POLR3F: variants seen among roughly 807,000 people sequenced by gnomAD.
POLR3F encodes the protein RNA polymerase III subunit F, also known as DNA-directed RNA polymerase III subunit RPC6.
POLR3F carries 31 observed loss-of-function variants against 43.6 expected under a neutral mutation model. That is an observed-to-expected ratio of 0.71 (90% CI 0.53 to 0.96). POLR3F has a LOEUF of 0.96. Ranked by LOEUF, POLR3F falls within the 40% of genes least tolerant of loss-of-function variation. The pLI, the probability that POLR3F is intolerant of heterozygous loss-of-function variation, is 0.00. For missense variants in POLR3F, 316 were observed against 391.7 expected (o/e 0.81, Z 1.63); for synonymous variants, 114 against 132.5 (o/e 0.86, Z 0.96).
intron 2 of POLR3F, among the ~76,000 whole-genome samples, chr20:18,469,568 G>A (rs2148860161): frequency 6.6e-6 from 1 of 152,332 alleles, no homozygotes; most frequent in African/African-American, 2.4e-5. Context: ...AATCTTTCAA[G>A]AGGGAGGTGT....
intron 6 of POLR3F, 86 bp downstream of exon 6, chr20:18,480,267 T>C (rs535135609): frequency 1.4e-6 from 2 of 1,385,782 alleles, no homozygotes; most frequent in African/African-American, 2.9e-5. Flanking sequence ...TCATATTTTA[T>C]AGGAATTAAA....
chr20:18,469,875 A>G (rs962966299), intron 2 of POLR3F, among the ~76,000 whole-genome samples: 4 of 152,026 alleles, frequency 2.6e-5, no homozygotes, highest in African/African-American at 9.7e-5. Flanking sequence ...CGATTTTCCT[A>G]TGAGTTGTCA....
chr20:18,473,887 G>GT (rs1254171062), intron 4 of POLR3F, among the ~76,000 whole-genome samples: 1 of 152,086 alleles, frequency 6.6e-6, no homozygotes, highest in Non-Finnish European at 1.5e-5. Context: ...AGCTGGTGTG[G>GT]TGTAGCAGTG....
At chr20:18,478,662 A>G (rs2059793196) in intron 5 of POLR3F, among the ~76,000 whole-genome samples, 1 of 152,200 alleles carries the variant, frequency 6.6e-6, no homozygotes, top group South Asian at 2.1e-4. Context: ...AATTTAATAT[A>G]AATAATATAG....
rs1170506160 is a variant in POLR3F, at chr20:18,467,395, A to G, written c.-112A>G. The G allele has an allele frequency of 2.6e-6, 3 of 1,154,318 alleles. No homozygotes were observed. Among genetic ancestry groups the G allele is most frequent in the Non-Finnish European group, 3.8e-6 (3 of 786,574 alleles). 71.5% of individuals were successfully genotyped at this position (1,154,318 alleles called of 1,614,324 possible). On this transcript the variant is annotated 5_prime_UTR_variant, in exon 1 of 9. Coordinates refer to ENST00000377603, the MANE Select transcript of POLR3F (RefSeq NM_006466.4). Reference sequence around the variant, plus strand: ...AGGACCGGCTGCGACACGAGGAAGAAGGCCCCTCGGCCTCAGCAGAGCGCT... The same window carrying G: ...AGGACCGGCTGCGACACGAGGAAGAGGGCCCCTCGGCCTCAGCAGAGCGCT...
intron 6 of POLR3F, 26 bp downstream of exon 6, chr20:18,480,207 C>T: frequency 6.3e-7 from 1 of 1,579,364 alleles, no homozygotes; most frequent in East Asian, 2.2e-5. Context: ...GGAAACATCA[C>T]TGCAAACCCT....
At chr20:18,471,247 C>T (rs969285588) in intron 2 of POLR3F, among the ~76,000 whole-genome samples, 2 of 152,172 alleles carry the variant, frequency 1.3e-5, no homozygotes, top group African/African-American at 2.4e-5. Flanking sequence ...CATGCTGTTT[C>T]GTGCCACAGG....
chr20:18,477,161 C>T (rs1367632745), intron 5 of POLR3F, among the ~76,000 whole-genome samples: 1 of 150,474 alleles, frequency 6.6e-6, no homozygotes, highest in Admixed American at 6.6e-5. Context: ...CCAAAGAAGA[C>T]ATACAGATGG....
At position 18,467,400 on chromosome 20, in the gene POLR3F, C is replaced by T. The variant is rs1029845889; in HGVS notation, c.-107C>T. On this transcript the variant is annotated 5_prime_UTR_variant, in exon 1 of 9. Transcript: ENST00000377603. ...CGGCTGCGACACGAGGAAGAAGGCC[C>T]CTCGGCCTCAGCAGAGCGCTATCCT... 1 of 1,240,480 alleles carries T rather than the reference C, an allele frequency of 8.1e-7. No homozygotes were observed. 76.8% of individuals were successfully genotyped at this position (1,240,480 alleles called of 1,614,324 possible).
At chr20:18,471,048 G>T (rs2059747056) in intron 2 of POLR3F, among the ~76,000 whole-genome samples, 1 of 151,984 alleles carries the variant, frequency 6.6e-6, no homozygotes, top group South Asian at 2.1e-4. Flanking sequence ...CCTGGCCCCT[G>T]ATCTGTCTTA....
At chr20:18,477,901 G>T (rs1161319104) in intron 5 of POLR3F, among the ~76,000 whole-genome samples, 2 of 148,784 alleles carry the variant, frequency 1.3e-5, no homozygotes, top group Non-Finnish European at 2.9e-5. Context: ...TTTTATTAGG[G>T]TTTCATTATA....
At chr20:18,481,430 G>C (rs1284052230) in intron 7 of POLR3F, among the ~76,000 whole-genome samples, 189 bp from the exon 8 acceptor site, 2 of 152,014 alleles carry the variant, frequency 1.3e-5, no homozygotes, top group African/African-American at 2.4e-5. Flanking sequence ...GTAGAGACAG[G>C]GTTTTGCCAT....
chr20:18,482,512 T>G (rs1459949319), intron 8 of POLR3F, among the ~76,000 whole-genome samples: 1 of 152,178 alleles, frequency 6.6e-6, no homozygotes, highest in Non-Finnish European at 1.5e-5. Flanking sequence ...TTATTTCCCC[T>G]TAAAAGTGAG....
At chr20:18,480,988 T>TAGAA (rs2059806754) in intron 7 of POLR3F, among the ~76,000 whole-genome samples, 1 of 152,218 alleles carries the variant, frequency 6.6e-6, no homozygotes. Flanking sequence ...CTAAAGTGCC[T>TAGAA]TTCTGCTCAA....
At position 18,477,554 on chromosome 20, in the gene POLR3F, A is replaced by G. The variant is rs189889379; in HGVS notation, c.429+2367A>G. Among the ~76,000 whole-genome samples, 162 of 152,350 alleles carry G rather than the reference A, an allele frequency of 1.1e-3. 2 individuals are homozygous for G. The highest frequency in any genetic ancestry group is 3.6e-3 in the African/African-American group (150 of 41,580). ...TCATAATCAAAAACTGGAAGCAACC[A>G]AGGTATCCTTCAATAGGTGAATGGA... On this transcript the variant is annotated intron_variant, in intron 5 of 8. Transcript: ENST00000377603.
intron 5 of POLR3F, among the ~76,000 whole-genome samples, chr20:18,477,094 A>C (rs1568580186): frequency 2.0e-5 from 3 of 151,842 alleles, no homozygotes; most frequent in Non-Finnish European, 2.9e-5. Flanking sequence ...AAAAAAAAAA[A>C]AACACACAAT....
chr20:18,467,459 G>A lies in POLR3F; in HGVS notation c.-48G>A. 1.2e-6 allele frequency: 2 copies of A among 1,608,996 alleles called. No homozygotes were observed. The highest frequency in any genetic ancestry group is 1.7e-6 in the Non-Finnish European group (2 of 1,175,350). On this transcript the variant is annotated 5_prime_UTR_variant, in exon 1 of 9. Coordinates refer to ENST00000377603, the MANE Select transcript of POLR3F (RefSeq NM_006466.4). Reference sequence around the variant, plus strand: ...TCCCCGGGTTCCCCGGCTTGCTACCGGGCTGCTCCGTGCATCTTTCCCCCC... The same window carrying A: ...TCCCCGGGTTCCCCGGCTTGCTACCAGGCTGCTCCGTGCATCTTTCCCCCC...
intron 5 of POLR3F, among the ~76,000 whole-genome samples, chr20:18,478,125 G>A (rs989155728): frequency 1.3e-5 from 2 of 152,100 alleles, no homozygotes; most frequent in Non-Finnish European, 2.9e-5. Context: ...TGATCTAAGG[G>A]ATTCACCATG....
chr20:18,478,843 G>A (rs1381288390), intron 5 of POLR3F, among the ~76,000 whole-genome samples: 1 of 152,058 alleles, frequency 6.6e-6, no homozygotes, highest in East Asian at 1.9e-4. Flanking sequence ...AAATGAACAT[G>A]TAGAAAATGC....
Sources: gnomAD v4.1 joint callset for allele counts (sites outside exome capture counted in the v4.1 genomes callset) on GRCh38, gnomAD v4.1.1 for gene constraint, MANE v1.5 for transcripts, NCBI Gene and HGNC (gene_info 2026-07-23, HGNC 2026-07-21) for gene names.